SLC12A8: variants seen among roughly 807,000 people sequenced by gnomAD.
SLC12A8 encodes the protein cation-chloride cotransporter 9.
Under a neutral mutation model 75.6 loss-of-function variants are expected in SLC12A8, and 69 were observed. That is an observed-to-expected ratio of 0.91 (90% confidence interval 0.75 to 1.11). The LOEUF (loss-of-function observed/expected upper bound fraction) is 1.11. Ranked by LOEUF, SLC12A8 falls within the 50% of genes most tolerant of loss-of-function variation. The pLI, the probability that SLC12A8 is intolerant of heterozygous loss-of-function variation, is 0.00. For missense variants in SLC12A8, 877 were observed against 896.7 expected, an observed-to-expected ratio of 0.98 and a Z score of 0.28; for synonymous variants, 365 against 372.8, an observed-to-expected ratio of 0.98 and a Z score of 0.24.
chr3:125,149,651 A>G (rs574213630), intron 5 of SLC12A8, among the ~76,000 whole-genome samples: 7 of 152,230 alleles, frequency 4.6e-5, no homozygotes, highest in Non-Finnish European at 1.0e-4. Flanking sequence ...CAGGTAGAAC[A>G]AGTCAAAGAA....
Position 125,189,254 on chromosome 3 carries a change from C to G in SLC12A8, c.198+1121G>C, listed in dbSNP as rs564691058. ...ACAGAAATTCTTCCTGCATTTCCAGCCTTCAGACTCAAGACTGCAGCATCA... is the reference window on the plus strand; with the variant it reads ...ACAGAAATTCTTCCTGCATTTCCAGGCTTCAGACTCAAGACTGCAGCATCA... On this transcript the variant is annotated intron_variant, in intron 3 of 13. Coordinates refer to ENST00000469902, the MANE Select transcript of SLC12A8 (RefSeq NM_024628.6). Among the ~76,000 whole-genome samples, 64 of 152,346 alleles carry G rather than the reference C, an allele frequency of 4.2e-4. 1 individual carries two copies. Among genetic ancestry groups the G allele is most frequent in the African/African-American group, 1.4e-3 (60 of 41,558 alleles).
intron 10 of SLC12A8, among the ~76,000 whole-genome samples, chr3:125,099,032 C>A (rs1938793919): frequency 6.6e-6 from 1 of 152,174 alleles, no homozygotes; most frequent in African/African-American, 2.4e-5. Context: ...TACGCCCACG[C>A]CTGGGGAGGC....
chr3:125,154,178 T>G (rs1933996578), intron 5 of SLC12A8, among the ~76,000 whole-genome samples: 1 of 152,224 alleles, frequency 6.6e-6, no homozygotes, highest in African/African-American at 2.4e-5. Flanking sequence ...TGCAAAATAC[T>G]TTAACTACCG....
chr3:125,151,295 C>A (rs897611336), intron 5 of SLC12A8: 1 of 153,992 alleles, frequency 6.5e-6, no homozygotes, highest in Non-Finnish European at 1.5e-5. Context: ...AACTGTTCCT[C>A]CCTTTTCCCT....
intron 10 of SLC12A8, among the ~76,000 whole-genome samples, chr3:125,102,253 G>A (rs1056892079): frequency 3.9e-5 from 6 of 152,230 alleles, no homozygotes; most frequent in Non-Finnish European, 5.9e-5. Context: ...TGAAGCAATC[G>A]GAGGAGGCAG....
intron 10 of SLC12A8, among the ~76,000 whole-genome samples, chr3:125,093,711 T>C (rs1020469924): frequency 6.6e-6 from 1 of 152,232 alleles, no homozygotes; most frequent in Admixed American, 6.5e-5. Context: ...ATATGCTTCA[T>C]GGGGGCAGGG....
intron 10 of SLC12A8, among the ~76,000 whole-genome samples, chr3:125,106,882 T>C (rs1939041209): frequency 6.6e-6 from 1 of 152,196 alleles, no homozygotes; most frequent in Admixed American, 6.5e-5. Flanking sequence ...AATGCTAATA[T>C]ATGTTATATT....
intron 4 of SLC12A8, among the ~76,000 whole-genome samples, chr3:125,179,332 A>C (rs1187301266): frequency 6.6e-6 from 1 of 152,186 alleles, no homozygotes; most frequent in Non-Finnish European, 1.5e-5. Flanking sequence ...TATCTTAAAA[A>C]ATTGTTTATG....
At chr3:125,103,316 G>A (rs2107739090) in intron 10 of SLC12A8, among the ~76,000 whole-genome samples, 1 of 152,172 alleles carries the variant, frequency 6.6e-6, no homozygotes, top group Non-Finnish European at 1.5e-5. Context: ...AAGAGCCCAA[G>A]AGAAAAACCT....
chr3:125,134,523 A>T (rs932388052), intron 6 of SLC12A8, among the ~76,000 whole-genome samples: 9 of 152,220 alleles, frequency 5.9e-5, no homozygotes, highest in African/African-American at 1.9e-4. Context: ...GACTATTAAA[A>T]TTTAAGCTGC....
intron 10 of SLC12A8, among the ~76,000 whole-genome samples, chr3:125,103,459 T>TAA (rs34404091): frequency 2.4e-4 from 29 of 120,884 alleles, no homozygotes; most frequent in East Asian, 1.9e-3. Flanking sequence ...GTACTTCACT[T>TAA]AAAAAAAAAA....
At chr3:125,183,798 A>G (rs1409806198) in intron 4 of SLC12A8, among the ~76,000 whole-genome samples, 1 of 151,978 alleles carries the variant, frequency 6.6e-6, no homozygotes, top group Non-Finnish European at 1.5e-5. Context: ...CCACACAGGT[A>G]AGTGGAGCAG....
At chr3:125,121,912 A>G (rs530391021) in intron 6 of SLC12A8, among the ~76,000 whole-genome samples, 47 of 152,328 alleles carry the variant, frequency 3.1e-4, no homozygotes, top group African/African-American at 1.1e-3. Context: ...CAGCAACTCC[A>G]CTATGAGGAC....
intron 5 of SLC12A8, among the ~76,000 whole-genome samples, chr3:125,153,555 T>G (rs574590646): frequency 6.6e-6 from 1 of 152,248 alleles, no homozygotes; most frequent in South Asian, 2.1e-4. Flanking sequence ...ATACGAGGAG[T>G]TGGGCAAGTG....
At chr3:125,187,501 A>C (rs1934818143) in intron 3 of SLC12A8, 73 bp from the exon 4 acceptor site, 1 of 1,391,858 alleles carries the variant, frequency 7.2e-7, no homozygotes, top group Non-Finnish European at 1.0e-6. Flanking sequence ...GGGGGCATTG[A>C]CCACCTCCCC....
chr3:125,206,090 C>A (rs1935221583), intron 2 of SLC12A8, among the ~76,000 whole-genome samples: 1 of 152,220 alleles, frequency 6.6e-6, no homozygotes, highest in South Asian at 2.1e-4. Context: ...TATGCTATTG[C>A]CTGGCACATG....
chr3:125,193,179 G>A (rs1210397449), intron 2 of SLC12A8, among the ~76,000 whole-genome samples: 5 of 152,126 alleles, frequency 3.3e-5, no homozygotes, highest in African/African-American at 9.7e-5. Flanking sequence ...GACCAGCCTC[G>A]TTAACATGGC....
intron 6 of SLC12A8, among the ~76,000 whole-genome samples, chr3:125,135,029 G>T (rs140753863): frequency 6.6e-6 from 1 of 152,228 alleles, no homozygotes; most frequent in Non-Finnish European, 1.5e-5. Context: ...CCAGGCCAGG[G>T]ACCCAAGCAT....
chr3:125,121,030 C>T (rs919878901), intron 6 of SLC12A8: 10 of 612,892 alleles, frequency 1.6e-5, no homozygotes, highest in Non-Finnish European at 2.3e-5. Flanking sequence ...GGACAATGCC[C>T]TGGAGAGGCT....
Sources: allele counts gnomAD v4.1 joint callset (sites outside exome capture counted in the v4.1 genomes callset), GRCh38; gene constraint gnomAD v4.1.1; transcripts MANE v1.5; gene names NCBI Gene and HGNC (gene_info 2026-07-23, HGNC 2026-07-21).